Variants in TMEM38B observed in about 807,000 individuals in gnomAD.
TMEM38B encodes the protein transmembrane protein 38B.
In TMEM38B, 24 loss-of-function variants were observed where a neutral mutation model predicts 28.7. The observed-to-expected ratio is 0.84, with a 90% CI of 0.61 to 1.18. The LOEUF (loss-of-function observed/expected upper bound fraction) is 1.18, where lower values mean the gene tolerates loss of function less well. Ranked by LOEUF, TMEM38B falls within the 50% of genes most tolerant of loss-of-function variation. The pLI is 0.00. For synonymous variants in TMEM38B, 131 were observed against 127.7 expected (o/e 1.03, Z -0.17); for missense variants, 380 against 350.9 (o/e 1.08, Z -0.66).
chr9:105,744,562 C>A (rs1278287607), intron 4 of TMEM38B, among the ~76,000 whole-genome samples: 2 of 151,332 alleles, frequency 1.3e-5, no homozygotes, highest in East Asian at 1.9e-4. Context: ...AATGTAATTT[C>A]TTTTTTTTAT....
chr9:105,739,280 G>T lies in TMEM38B; in HGVS notation c.543-8793G>T, dbSNP rs1415292561. Among the ~76,000 whole-genome samples the T allele has an allele frequency of 2.7e-5, 4 of 150,814 alleles. No individual in the cohort carries two copies. The East Asian group carries it at 7.7e-4, about 29-fold the overall frequency. On this transcript the variant is annotated intron_variant, in intron 4 of 5. Coordinates refer to ENST00000374692, the MANE Select transcript of TMEM38B (RefSeq NM_018112.3). ...CATTTTAGTTAAGTCCCCAAATTAGGCAGTGTGTGTCCTTTAACTTGGTTC... is the reference window on the plus strand; with the variant it reads ...CATTTTAGTTAAGTCCCCAAATTAGTCAGTGTGTGTCCTTTAACTTGGTTC...
intron 4 of TMEM38B, among the ~76,000 whole-genome samples, chr9:105,729,556 C>G (rs1016686637): frequency 4.6e-5 from 7 of 152,116 alleles, no homozygotes; most frequent in African/African-American, 1.4e-4. Context: ...GTTTTCTTGG[C>G]TCTGCAGGCT....
At chr9:105,701,893 G>A (rs1051212124) in intron 1 of TMEM38B, among the ~76,000 whole-genome samples, 13 of 152,178 alleles carry the variant, frequency 8.5e-5, no homozygotes, top group African/African-American at 3.1e-4. Context: ...AGGTGAGTAT[G>A]TGGATCTACC....
intron 1 of TMEM38B, among the ~76,000 whole-genome samples, chr9:105,696,963 A>T (rs1271065204): frequency 1.4e-4 from 21 of 152,150 alleles, no homozygotes; most frequent in Admixed American, 1.4e-3. Flanking sequence ...ACTATTTAAA[A>T]TTTTCTCAGT....
At chr9:105,705,875 A>C (rs1265659447) in intron 2 of TMEM38B, 122 bp downstream of exon 2, 2 of 1,015,506 alleles carry the variant, frequency 2.0e-6, no homozygotes, top group African/African-American at 1.6e-5. Flanking sequence ...TGCATCTGCA[A>C]GGAAGGAACC....
At chr9:105,752,391 A>T (rs1837686606) in intron 5 of TMEM38B, among the ~76,000 whole-genome samples, 1 of 152,120 alleles carries the variant, frequency 6.6e-6, no homozygotes. Flanking sequence ...CCCAACAGGG[A>T]TCTGTAACCA....
intron 4 of TMEM38B, among the ~76,000 whole-genome samples, chr9:105,738,823 T>C (rs1837079202): frequency 7.1e-6 from 1 of 141,840 alleles, no homozygotes; most frequent in African/African-American, 2.6e-5. Flanking sequence ...CCTCAAGCAA[T>C]CCCCCCGTCT....
intron 2 of TMEM38B, among the ~76,000 whole-genome samples, chr9:105,715,189 TATTA>T (rs945659981): frequency 1.3e-5 from 2 of 152,208 alleles, no homozygotes; most frequent in Admixed American, 6.5e-5. Context: ...GCATATGTTC[TATTA>T]ATTCTCCCAT....
At chr9:105,767,732 A>G (rs1163133764) in intron 5 of TMEM38B, among the ~76,000 whole-genome samples, 2 of 152,132 alleles carry the variant, frequency 1.3e-5, no homozygotes, top group South Asian at 4.1e-4. Flanking sequence ...TCAATTTGGA[A>G]TTTTACATTG....
chr9:105,712,734 G>A (rs541766514), intron 2 of TMEM38B, among the ~76,000 whole-genome samples: 5 of 152,292 alleles, frequency 3.3e-5, no homozygotes, highest in Admixed American at 1.3e-4. Flanking sequence ...GATGACAGCC[G>A]CAGGCCATCT....
intron 5 of TMEM38B, among the ~76,000 whole-genome samples, chr9:105,766,794 G>A (rs1826388959): frequency 6.6e-6 from 1 of 151,316 alleles, no homozygotes; most frequent in Non-Finnish European, 1.5e-5. Context: ...ACAATATACA[G>A]GTTTGTTACA....
intron 4 of TMEM38B, among the ~76,000 whole-genome samples, chr9:105,728,463 G>T (rs889199753): frequency 1.3e-5 from 2 of 152,166 alleles, no homozygotes; most frequent in African/African-American, 4.8e-5. Flanking sequence ...TGGTGTATAT[G>T]TGCCACATTT....
At chr9:105,730,140 A>G (rs957462016) in intron 4 of TMEM38B, among the ~76,000 whole-genome samples, 1 of 152,172 alleles carries the variant, frequency 6.6e-6, no homozygotes, top group Non-Finnish European at 1.5e-5. Flanking sequence ...GAGAGAGGGC[A>G]TCCTTGTCTT....
At chr9:105,755,551 A>G (rs12346273) in intron 5 of TMEM38B, among the ~76,000 whole-genome samples, 2 of 152,340 alleles carry the variant, frequency 1.3e-5, no homozygotes, top group African/African-American at 2.4e-5. Flanking sequence ...CTGGATCACT[A>G]CCATTGCCAT....
chr9:105,757,957 C>G (rs1387021599), intron 5 of TMEM38B, among the ~76,000 whole-genome samples: 3 of 152,240 alleles, frequency 2.0e-5, no homozygotes, highest in Admixed American at 2.0e-4. Flanking sequence ...CTTGTTAACT[C>G]TATTTTTAGG....
chr9:105,709,046 C>G (rs1014500647), intron 2 of TMEM38B, among the ~76,000 whole-genome samples: 3 of 151,506 alleles, frequency 2.0e-5, no homozygotes, highest in Non-Finnish European at 4.4e-5. Flanking sequence ...AGAACATGTC[C>G]CCTATAAAAT....
In TMEM38B at chr9:105,775,054, GT is replaced by G. The variant is rs1363947563; in HGVS notation, c.*978del. On this transcript the variant is annotated 3_prime_UTR_variant, in exon 6 of 6. Coordinates refer to ENST00000374692, the MANE Select transcript of TMEM38B (RefSeq NM_018112.3). ...CTATGTCTTTTTTCTAGTGGCTACT[GT>G]TTTAGTTTTCTAGTTGAATATCTCT... 6.6e-6 allele frequency: 1 copy of G among 151,986 alleles called. No homozygotes were observed. The highest frequency in any genetic ancestry group is 2.4e-5 in the African/African-American group (1 of 41,412). The allele number at this position is 151,986 out of a possible 1,614,324, so 9.4% of individuals were successfully genotyped here.
In TMEM38B at chr9:105,710,272, A is replaced by G. The variant is rs967691962; in HGVS notation, c.269+4519A>G. 7 of 628,566 alleles carry G rather than the reference A, an allele frequency of 1.1e-5. No homozygotes were observed. The African/African-American group carries it at 1.3e-4, about 12-fold the overall frequency. 38.9% of individuals were successfully genotyped at this position (628,566 alleles called of 1,614,324 possible). A position where few individuals can be genotyped will look rare whatever the true frequency, so the allele number is the denominator to read the frequency against. ...TCTAGTAAGCACAACTGTACTGGAT[A>G]TTCCAGCTACAGTTTGGTCTGTCAT... On this transcript the variant is annotated intron_variant, in intron 2 of 5. Coordinates refer to ENST00000374692, the MANE Select transcript of TMEM38B (RefSeq NM_018112.3).
intron 4 of TMEM38B, among the ~76,000 whole-genome samples, chr9:105,730,653 T>G (rs532050966): frequency 1.3e-5 from 2 of 152,334 alleles, no homozygotes; most frequent in South Asian, 4.1e-4. Context: ...CTAGCTCCTC[T>G]TTATACCTCC....
Sources: allele counts gnomAD v4.1 joint callset (sites outside exome capture counted in the v4.1 genomes callset), GRCh38; gene constraint gnomAD v4.1.1; transcripts MANE v1.5; gene names NCBI Gene and HGNC (gene_info 2026-07-23, HGNC 2026-07-21).